APBB2: variants seen among roughly 807,000 people sequenced by gnomAD.
APBB2 encodes the protein amyloid beta precursor protein binding family B member 2, also known as Fe65-like 1.
A neutral mutation model predicts 82.5 loss-of-function variants in APBB2; 38 were observed. That is an observed-to-expected ratio of 0.46 (90% confidence interval 0.36 to 0.60). The LOEUF (loss-of-function observed/expected upper bound fraction) is 0.60. Ranked by LOEUF, APBB2 falls within the 20% of genes least tolerant of loss-of-function variation. The pLI, the probability that APBB2 is intolerant of heterozygous loss-of-function variation, is 0.00. For missense variants in APBB2, 772 were observed against 972.3 expected (o/e 0.79, Z 2.74); for synonymous variants, 341 against 368.2 (o/e 0.93, Z 0.85).
At chr4:41,135,169 C>CAAAAAAAAAAAAAAAAAAAAAAACAAA in intron 2 of APBB2, among the ~76,000 whole-genome samples, 1 of 99,582 alleles carries the variant, frequency 1.0e-5, no homozygotes, top group Non-Finnish European at 2.0e-5. Flanking sequence ...CTTGAGCCCT[C>CAAAAAAAAAAAAAAAAAAAAAAACAAA]AAAAAAAAAA....
In APBB2 at chr4:41,048,561, T is replaced by C. The variant is rs182825196; in HGVS notation, c.-50-15257A>G. Among the ~76,000 whole-genome samples, 29 of 152,228 alleles carry C rather than the reference T, an allele frequency of 1.9e-4. No homozygotes were observed. The East Asian group carries it at 5.6e-3, about 29-fold the overall frequency. Reference sequence around the variant, plus strand: ...TAACTGCCACATATGTAGCAGGTGGTGAAGCTATTTTGTTTTAAACCTCTC... The same window carrying C: ...TAACTGCCACATATGTAGCAGGTGGCGAAGCTATTTTGTTTTAAACCTCTC... On this transcript the variant is annotated intron_variant, in intron 4 of 17. Transcript: ENST00000508593.
intron 10 of APBB2, among the ~76,000 whole-genome samples, chr4:40,931,294 C>T (rs930897977): frequency 2.6e-5 from 4 of 152,212 alleles, no homozygotes; most frequent in African/African-American, 9.7e-5. Flanking sequence ...TGTGTCTTCA[C>T]TGAAGTCAGC....
Position 40,832,008 on chromosome 4 carries a change from T to TTA in APBB2, c.1530-1433_1530-1432dup, listed in dbSNP as rs140267757. ...CACACACACATATTTATATATTTAT[T>TTA]TATATACACACACACACACACACAC... On this transcript the variant is annotated intron_variant, in intron 12 of 17. Coordinates refer to ENST00000508593, the MANE Select transcript of APBB2 (RefSeq NM_004307.2). This position sits in a 1 kb window ranked among gnomAD's most constrained non-coding sequence, Gnocchi z 4.8. Among the ~76,000 whole-genome samples, 26,108 of 73,352 alleles carry TTA rather than the reference T, an allele frequency of 0.36. 2,546 individuals are homozygous for TTA. Among genetic ancestry groups the TTA allele is most frequent in the South Asian group, 0.46 (980 of 2,144 alleles). 48.1% of individuals were successfully genotyped at this position (73,352 alleles called of 152,430 possible).
intron 12 of APBB2, chr4:40,848,855 A>G (rs1033737059): frequency 3.0e-6 from 3 of 985,006 alleles, no homozygotes; most frequent in African/African-American, 1.8e-5. Context: ...CCTGATCATC[A>G]CTGCCTCCAA....
intron 2 of APBB2, among the ~76,000 whole-genome samples, chr4:41,107,724 A>AG (rs564094245): frequency 2.0e-5 from 3 of 152,210 alleles, no homozygotes; most frequent in Non-Finnish European, 4.4e-5. Context: ...TTTTTGCCAA[A>AG]CATGCTTAAT....
chr4:40,930,263 T>C (rs879455773), intron 10 of APBB2, among the ~76,000 whole-genome samples: 2 of 152,182 alleles, frequency 1.3e-5, no homozygotes, highest in African/African-American at 2.4e-5. Flanking sequence ...TTTCTACAAA[T>C]CTGTAATTAT....
chr4:40,829,201 A>G (rs1478655028), intron 13 of APBB2, among the ~76,000 whole-genome samples: 1 of 152,178 alleles, frequency 6.6e-6, no homozygotes, highest in Non-Finnish European at 1.5e-5. Context: ...GAGCACCACA[A>G]TAGTGTGTCC....
intron 12 of APBB2, among the ~76,000 whole-genome samples, chr4:40,872,029 G>A (rs757697601): frequency 5.3e-5 from 8 of 152,204 alleles, no homozygotes; most frequent in Non-Finnish European, 7.3e-5. Context: ...TAGGGGTGGC[G>A]TATATTTCCC....
chr4:41,151,785 T>A (rs1762345870), intron 1 of APBB2, among the ~76,000 whole-genome samples: 1 of 151,750 alleles, frequency 6.6e-6, no homozygotes, highest in Non-Finnish European at 1.5e-5. Flanking sequence ...TTTTTTTTTT[T>A]AAGTGAATTA....
At chr4:40,902,301 C>T (rs1183667644) in intron 10 of APBB2, among the ~76,000 whole-genome samples, 1 of 152,160 alleles carries the variant, frequency 6.6e-6, no homozygotes, top group Non-Finnish European at 1.5e-5. Flanking sequence ...TGAATCAGGG[C>T]TAGCGAAAGC....
intron 3 of APBB2, among the ~76,000 whole-genome samples, chr4:41,075,134 C>CA (rs976854735): frequency 1.1e-4 from 16 of 151,864 alleles, no homozygotes; most frequent in Non-Finnish European, 2.1e-4. Flanking sequence ...ACTCTGTCTC[C>CA]AAAAAAACAA....
chr4:40,864,977 G>C (rs1474742844), intron 12 of APBB2, among the ~76,000 whole-genome samples: 4 of 150,924 alleles, frequency 2.7e-5, no homozygotes, highest in Non-Finnish European at 4.4e-5. Flanking sequence ...TCCCATCTCA[G>C]CCTCCCGAGT....
At chr4:40,923,759 A>G (rs1416749192) in intron 10 of APBB2, among the ~76,000 whole-genome samples, 3 of 152,180 alleles carry the variant, frequency 2.0e-5, no homozygotes, top group Non-Finnish European at 4.4e-5. Context: ...GAGTTAGACA[A>G]CAATGCATCT....
At chr4:41,007,541 T>A (rs1201424155) in intron 6 of APBB2, among the ~76,000 whole-genome samples, 2 of 152,162 alleles carry the variant, frequency 1.3e-5, no homozygotes, top group Non-Finnish European at 2.9e-5. Context: ...ACCTATAGAC[T>A]CGAATAGAAT....
At chr4:41,174,145 A>G (rs1769102818) in intron 1 of APBB2, among the ~76,000 whole-genome samples, 1 of 152,208 alleles carries the variant, frequency 6.6e-6, no homozygotes, top group Admixed American at 6.5e-5. Flanking sequence ...ATAGCAGATA[A>G]ATTTTCCTGG....
intron 1 of APBB2, among the ~76,000 whole-genome samples, chr4:41,179,487 G>A (rs1420066529): frequency 6.6e-6 from 1 of 152,022 alleles, no homozygotes; most frequent in Non-Finnish European, 1.5e-5. Flanking sequence ...TATCTATCAG[G>A]TCTGTTAAAT....
chr4:41,180,690 C>T (rs1208296653), intron 1 of APBB2, among the ~76,000 whole-genome samples: 1 of 152,090 alleles, frequency 6.6e-6, no homozygotes, highest in Non-Finnish European at 1.5e-5. Context: ...AATGTGGGCA[C>T]ATGTTTTCTT....
chr4:41,214,118 G>A (rs562551201), intron 1 of APBB2, among the ~76,000 whole-genome samples: 2 of 152,342 alleles, frequency 1.3e-5, no homozygotes, highest in Admixed American at 6.5e-5. Context: ...AAGTCAAGGA[G>A]AGTGAGCCCG....
At chr4:40,852,351 CAAAAAAAAAAAA>C (rs771660810) in intron 12 of APBB2, among the ~76,000 whole-genome samples, 12 of 94,006 alleles carry the variant, frequency 1.3e-4, no homozygotes, top group Non-Finnish European at 2.5e-4. Context: ...ACTCTGTCTT[CAAAAAAAAAAAA>C]AAAAAAAAGT....
Sources: allele counts gnomAD v4.1 joint callset (sites outside exome capture counted in the v4.1 genomes callset), GRCh38; gene constraint gnomAD v4.1.1; non-coding constraint Gnocchi (gnomAD v3.1); transcripts MANE v1.5; gene names NCBI Gene and HGNC (gene_info 2026-07-23, HGNC 2026-07-21).